The following ELMO1 variants were observed in gnomAD, a reference collection of about 807,000 sequenced individuals.
ELMO1 encodes engulfment and cell motility protein 1.
Under a neutral mutation model 98.9 loss-of-function variants are expected in ELMO1, and 26 were observed. That is an observed-to-expected ratio of 0.26 (90% confidence interval 0.19 to 0.36). The LOEUF is 0.36. Ranked by LOEUF, ELMO1 falls within the 10% of genes least tolerant of loss-of-function variation. The pLI is 1.00. For missense variants in ELMO1, 627 were observed against 935.2 expected, an observed-to-expected ratio of 0.67 and a Z score of 4.30; for synonymous variants, 346 against 346.0, an observed-to-expected ratio of 1.00 and a Z score of 0.00.
intron 1 of ELMO1, among the ~76,000 whole-genome samples, chr7:37,400,294 C>A (rs1803470539): frequency 1.3e-5 from 2 of 152,114 alleles, no homozygotes; most frequent in African/African-American, 4.8e-5. Flanking sequence ...CAGGATCAGG[C>A]AGGCAGAATC....
chr7:37,147,432 C>T (rs1222910036), intron 13 of ELMO1, among the ~76,000 whole-genome samples: 1 of 152,130 alleles, frequency 6.6e-6, no homozygotes, highest in Non-Finnish European at 1.5e-5. Flanking sequence ...TGGACAACTC[C>T]ACAACTTTAC....
chr7:37,225,799 A>C (rs1793840543), intron 8 of ELMO1, among the ~76,000 whole-genome samples: 1 of 152,214 alleles, frequency 6.6e-6, no homozygotes, highest in South Asian at 2.1e-4. Flanking sequence ...GATCGCAGTA[A>C]TCCAAACACA....
chr7:37,259,076 G>A, intron 6 of ELMO1, 105 bp downstream of exon 6: 1 of 1,313,576 alleles, frequency 7.6e-7, no homozygotes, highest in Non-Finnish European at 1.0e-6. Context: ...GTCTAACCAA[G>A]GCTCTGGTCT....
intron 15 of ELMO1, among the ~76,000 whole-genome samples, chr7:37,077,612 G>A (rs1797652651): frequency 6.6e-6 from 1 of 152,200 alleles, no homozygotes; most frequent in African/African-American, 2.4e-5. Flanking sequence ...GAGTACATAT[G>A]CAGAAAAATC....
chr7:37,082,719 T>TCAAACAAACAAA (rs34913326), intron 15 of ELMO1, among the ~76,000 whole-genome samples: 15 of 151,078 alleles, frequency 9.9e-5, no homozygotes, highest in Admixed American at 2.6e-4. Context: ...TGACCCTGTC[T>TCAAACAAACAAA]CAAACAAACA....
Position 37,139,418 on chromosome 7 carries a change from A to C in ELMO1, c.1087-6184T>G, listed in dbSNP as rs141539904. 2.2e-3 allele frequency among the ~76,000 whole-genome samples: 333 copies of C among 152,340 alleles called. 1 individual carries two copies. Among genetic ancestry groups the C allele is most frequent in the African/African-American group, 7.5e-3 (313 of 41,582 alleles). On this transcript the variant is annotated intron_variant, in intron 13 of 21. Coordinates refer to ENST00000310758, the MANE Select transcript of ELMO1 (RefSeq NM_014800.11). Reference sequence around the variant, plus strand: ...GTATGCCAATCAGTAGCTCTGCTATATACCAACAGTGATCAAGCTGAAAAT... The same window carrying C: ...GTATGCCAATCAGTAGCTCTGCTATCTACCAACAGTGATCAAGCTGAAAAT...
intron 16 of ELMO1, among the ~76,000 whole-genome samples, chr7:37,012,052 T>C (rs1793598314): frequency 6.6e-6 from 1 of 152,180 alleles, no homozygotes; most frequent in Non-Finnish European, 1.5e-5. Flanking sequence ...ACCAGTGCTC[T>C]CCACAGAAGG....
At chr7:36,962,782 T>A (rs1183198801) in intron 16 of ELMO1, among the ~76,000 whole-genome samples, 1 of 151,854 alleles carries the variant, frequency 6.6e-6, no homozygotes, top group African/African-American at 2.4e-5. Flanking sequence ...TAGCATTGTC[T>A]GCAGTTAGCA....
At chr7:37,015,203 G>A (rs188829353) in intron 15 of ELMO1, among the ~76,000 whole-genome samples, 2 of 152,036 alleles carry the variant, frequency 1.3e-5, no homozygotes, top group African/African-American at 4.8e-5. Context: ...TGTAGGAAGA[G>A]TCCGGGGGTG....
At chr7:36,907,797 C>T (rs1436626329) in intron 16 of ELMO1, among the ~76,000 whole-genome samples, 1 of 152,242 alleles carries the variant, frequency 6.6e-6, no homozygotes, top group Non-Finnish European at 1.5e-5. Context: ...GCAGACATCA[C>T]TAATCTATCA....
chr7:36,935,379 T>C (rs540151477), intron 16 of ELMO1, among the ~76,000 whole-genome samples: 1 of 152,064 alleles, frequency 6.6e-6, no homozygotes, highest in Non-Finnish European at 1.5e-5. Context: ...CAGCCACACG[T>C]AAAGGACTAA....
At chr7:36,943,022 T>A (rs548251298) in intron 16 of ELMO1, among the ~76,000 whole-genome samples, 2 of 152,186 alleles carry the variant, frequency 1.3e-5, no homozygotes, top group African/African-American at 4.8e-5. Flanking sequence ...CAGGCTGGCA[T>A]GTGGGACAGT....
At chr7:37,174,540 C>G (rs775836856) in intron 13 of ELMO1, among the ~76,000 whole-genome samples, 1 of 152,152 alleles carries the variant, frequency 6.6e-6, no homozygotes, top group African/African-American at 2.4e-5. Context: ...CCATCTGTAT[C>G]GAGCGGGCTA....
intron 1 of ELMO1, among the ~76,000 whole-genome samples, chr7:37,430,593 T>C (rs1804890992): frequency 6.6e-6 from 1 of 152,218 alleles, no homozygotes; most frequent in South Asian, 2.1e-4. Context: ...TGCTGTGAAA[T>C]TTCTTTGCAT....
intron 13 of ELMO1, among the ~76,000 whole-genome samples, chr7:37,154,992 G>C (rs1192881268): frequency 1.3e-5 from 2 of 152,230 alleles, no homozygotes; most frequent in African/African-American, 2.4e-5. Flanking sequence ...AGCCAGAAGA[G>C]AGTAGGGGCC....
In ELMO1 at chr7:37,408,564, G is replaced by A. The variant is rs12333824; in HGVS notation, c.-74+40111C>T. On this transcript the variant is annotated intron_variant, in intron 1 of 21. Transcript: ENST00000310758. Reference sequence around the variant, plus strand: ...AAACGGTAGGAATATACATGCAATGGAATATTATTCAGCCTAAAGCAGAAG... The same window carrying A: ...AAACGGTAGGAATATACATGCAATGAAATATTATTCAGCCTAAAGCAGAAG... Among the ~76,000 whole-genome samples, 1,226 of 152,272 alleles carry A rather than the reference G, an allele frequency of 8.1e-3. 14 individuals are homozygous for A. The highest frequency in any genetic ancestry group is 0.028 in the African/African-American group (1,170 of 41,536).
chr7:37,348,563 C>G (rs941969956), intron 1 of ELMO1, among the ~76,000 whole-genome samples: 1 of 152,108 alleles, frequency 6.6e-6, no homozygotes, highest in African/African-American at 2.4e-5. Flanking sequence ...AAAGAGGAAT[C>G]ACTTCTTCTA....
Position 37,018,229 on chromosome 7 carries a change from A to C in ELMO1, c.1301-4794T>G, listed in dbSNP as rs182928598. On this transcript the variant is annotated intron_variant, in intron 15 of 21. Transcript: ENST00000310758. ...ACAACCTCCGCCTCCTGGGTTCAAG[A>C]GATTCTCCTGCCTCAGCCTCCCAAG... 4.2e-3 allele frequency among the ~76,000 whole-genome samples: 628 copies of C among 151,008 alleles called. 3 individuals are homozygous for C. Among genetic ancestry groups the C allele is most frequent in the African/African-American group, 5.4e-3 (222 of 41,038 alleles).
chr7:37,092,527 C>G (rs866895754), intron 15 of ELMO1, among the ~76,000 whole-genome samples: 3 of 151,754 alleles, frequency 2.0e-5, no homozygotes, highest in Non-Finnish European at 2.9e-5. Context: ...TACAGGCACC[C>G]GCCACCATGC....
Sources: allele counts gnomAD v4.1 joint callset (sites outside exome capture counted in the v4.1 genomes callset), GRCh38; gene constraint gnomAD v4.1.1; transcripts MANE v1.5; gene names NCBI Gene and HGNC (gene_info 2026-07-23, HGNC 2026-07-21).